Variants in ZNF3 observed in about 807,000 individuals in gnomAD.
ZNF3 encodes zinc finger protein 3, also known as C2-H2 type zinc finger protein.
ZNF3 carries 16 observed loss-of-function variants against 36.9 expected under a neutral mutation model. The ratio of observed to expected loss-of-function variants is 0.43; its 90% confidence interval spans 0.29 to 0.66. ZNF3 has a LOEUF of 0.66. Among genes scored for constraint, ZNF3 ranks in the 30% least tolerant of loss-of-function variants. ZNF3 has a pLI of 0.13. For synonymous variants in ZNF3, 201 were observed against 201.9 expected (o/e 1.00, Z 0.04); for missense variants, 462 against 543.1 (o/e 0.85, Z 1.48).
chr7:100,075,911 A>G (rs958742731), intron 3 of ZNF3, among the ~76,000 whole-genome samples: 10 of 152,060 alleles, frequency 6.6e-5, no homozygotes, highest in South Asian at 2.1e-4. Flanking sequence ...TCTTCTCTCA[A>G]TGAAACCGCC....
downstream of ZNF3, among the ~76,000 whole-genome samples, chr7:100,066,782 C>G (rs936866120): frequency 3.3e-5 from 5 of 152,024 alleles, no homozygotes; most frequent in East Asian, 5.8e-4. Context: ...CGCCTGTAAT[C>G]CCAACACTTT....
intron 1 of ZNF3, 97 bp from the exon 2 acceptor site, chr7:100,079,753 G>C (rs1049899565): frequency 1.3e-5 from 2 of 152,084 alleles, no homozygotes; most frequent in Admixed American, 6.5e-5. Context: ...TCAGGCTGGA[G>C]TGCAGTGAGT....
chr7:100,070,524 T>G lies in ZNF3; in HGVS notation c.*619A>C. 2 of 985,546 alleles carry G rather than the reference T, an allele frequency of 2.0e-6. No homozygotes were observed. The highest frequency in any genetic ancestry group is 2.4e-6 in the Non-Finnish European group (2 of 830,074). 61.1% of individuals were successfully genotyped at this position (985,546 alleles called of 1,614,324 possible). On this transcript the variant is annotated 3_prime_UTR_variant, in exon 6 of 6. Coordinates refer to ENST00000299667, the MANE Select transcript of ZNF3 (RefSeq NM_032924.5). ...GGGTCTGCTGGCAATATCACCAGGT[T>G]TCTCTTGGAAACATGGTCTGGCTGC...
In ZNF3 at chr7:100,070,890, G is replaced by A; in HGVS notation, c.*253C>T. On this transcript the variant is annotated 3_prime_UTR_variant, in exon 6 of 6. Coordinates refer to ENST00000299667, the MANE Select transcript of ZNF3 (RefSeq NM_032924.5). ...TCTGCTGTGAGAAAAACAGTTTAGT[G>A]CAAACTCCTTTCCTAAATGGGGTAA... 5 of 1,277,928 alleles carry A rather than the reference G, an allele frequency of 3.9e-6. No homozygotes were observed. The highest frequency in any genetic ancestry group is 4.9e-6 in the Non-Finnish European group (5 of 1,012,786). The allele number at this position is 1,277,928 out of a possible 1,614,324, so 79.2% of individuals were successfully genotyped here. A position where few individuals can be genotyped will look rare whatever the true frequency, so the allele number is the denominator to read the frequency against.
downstream of ZNF3, among the ~76,000 whole-genome samples, chr7:100,066,152 C>T (rs1792639002): frequency 6.6e-6 from 1 of 151,994 alleles, no homozygotes; most frequent in East Asian, 1.9e-4. Flanking sequence ...TTGTAACAGC[C>T]GGTATCAGCC....
chr7:100,066,133 A>G (rs1792638188), downstream of ZNF3, among the ~76,000 whole-genome samples: 1 of 152,028 alleles, frequency 6.6e-6, no homozygotes, highest in South Asian at 2.1e-4. Flanking sequence ...GCAGGATTGC[A>G]ATTTCCCATT....
chr7:100,080,403 A>T (rs1794799993), intron 1 of ZNF3, among the ~76,000 whole-genome samples: 1 of 151,846 alleles, frequency 6.6e-6, no homozygotes, highest in African/African-American at 2.4e-5. Context: ...CTGAGGTGGG[A>T]GGATTACTTG....
At chr7:100,067,767 T>A (rs1375497741), downstream of ZNF3, among the ~76,000 whole-genome samples, 1 of 152,186 alleles carries the variant, frequency 6.6e-6, no homozygotes, top group Non-Finnish European at 1.5e-5. Context: ...ATGCCATGTA[T>A]CAGCTACTGC....
At position 100,081,488 on chromosome 7, in the gene ZNF3, G is replaced by A. The variant is rs1468014196; in HGVS notation, c.-198+147C>T. On this transcript the variant is annotated intron_variant, in intron 1 of 5. Coordinates refer to ENST00000299667, the MANE Select transcript of ZNF3 (RefSeq NM_032924.5). The surrounding 1 kb of genome is among the most constrained non-coding windows in gnomAD (Gnocchi z 4.3). ...CCCTGGGGAAGCGGAGTAGAGGACG[G>A]GCTGCAGGGGACGGAGGGGCGCCTC... The A allele has an allele frequency of 6.6e-6, 1 of 152,396 alleles. No homozygotes were observed. The highest frequency in any genetic ancestry group is 1.5e-5 in the Non-Finnish European group (1 of 68,192). 9.4% of individuals were successfully genotyped at this position (152,396 alleles called of 1,614,324 possible). A position where few individuals can be genotyped will look rare whatever the true frequency, so the allele number is the denominator to read the frequency against.
intron 2 of ZNF3, 104 bp from the exon 3 acceptor site, chr7:100,077,537 G>T: frequency 9.0e-7 from 1 of 1,107,316 alleles, no homozygotes; most frequent in South Asian, 2.1e-5. Context: ...ACAGTGAGAA[G>T]AAATGTGGCA....
In ZNF3 at chr7:100,072,215, G is replaced by A. The variant is rs749000615; in HGVS notation, c.272-3C>T. The A allele has an allele frequency of 6.4e-7, 1 of 1,566,438 alleles. No individual in the cohort carries two copies. The highest frequency in any genetic ancestry group is 8.6e-7 in the Non-Finnish European group (1 of 1,161,874). On this transcript the variant is annotated splice_polypyrimidine_tract_variant and splice_region_variant and intron_variant, in intron 5 of 5. Coordinates refer to ENST00000299667, the MANE Select transcript of ZNF3 (RefSeq NM_032924.5). The stretch of plus-strand genomic sequence containing the variant: ...ATTTTCAGTCCTGGTCTCACGATCT[G>A]ACACAATAAAAAATGCAAATGTCAC...
At chr7:100,077,596 T>C in intron 2 of ZNF3, 163 bp from the exon 3 acceptor site, 2 of 566,480 alleles carry the variant, frequency 3.5e-6, no homozygotes, top group South Asian at 3.2e-5. Context: ...TTTTTTTTCC[T>C]TTTTGTGGAG....
At position 100,070,467 on chromosome 7, in the gene ZNF3, T is replaced by C; in HGVS notation, c.*676A>G. On this transcript the variant is annotated 3_prime_UTR_variant, in exon 6 of 6. Transcript: ENST00000299667. ...TAGCTGTTTGGACAGATTTGCCCAT[T>C]CAGCCCCAGGACAACTGGGGGGGAT... 1 of 985,546 alleles carries C rather than the reference T, an allele frequency of 1.0e-6. No individual in the cohort carries two copies. The highest frequency in any genetic ancestry group is 1.2e-6 in the Non-Finnish European group (1 of 830,066). 61.1% of individuals were successfully genotyped at this position (985,546 alleles called of 1,614,324 possible). A position where few individuals can be genotyped will look rare whatever the true frequency, so the allele number is the denominator to read the frequency against.
chr7:100,076,324 ACT>A (rs1794108164), intron 3 of ZNF3, among the ~76,000 whole-genome samples: 1 of 146,598 alleles, frequency 6.8e-6, no homozygotes, highest in Non-Finnish European at 1.5e-5. Flanking sequence ...GTGGCGTCTC[ACT>A]CTGTCACCCA....
At chr7:100,082,241 G>A (rs1795074558), upstream of ZNF3, 2 of 152,160 alleles carry the variant, frequency 1.3e-5, no homozygotes, top group African/African-American at 2.4e-5. Flanking sequence ...GTCCATCACA[G>A]AGTTGACATG....
intron 5 of ZNF3, among the ~76,000 whole-genome samples, chr7:100,074,798 C>A (rs1562870449): frequency 1.3e-5 from 2 of 152,100 alleles, no homozygotes; most frequent in Non-Finnish European, 2.9e-5. Context: ...CTTTGGGAGG[C>A]CAAGACGGGT....
chr7:100,072,281 A>C, intron 5 of ZNF3, 69 bp from the exon 6 acceptor site: 1 of 1,384,932 alleles, frequency 7.2e-7, no homozygotes, highest in Non-Finnish European at 9.8e-7. Context: ...ACAGGACAGG[A>C]TCATTGTAAC....
chr7:100,073,976 A>G (rs1793648721), intron 5 of ZNF3, among the ~76,000 whole-genome samples: 2 of 151,840 alleles, frequency 1.3e-5, no homozygotes, highest in African/African-American at 2.4e-5. Context: ...ACCAACATGG[A>G]AAAACTCCGT....
chr7:100,075,031 A>C, intron 5 of ZNF3, 104 bp downstream of exon 5: 2 of 1,465,486 alleles, frequency 1.4e-6, no homozygotes, highest in Non-Finnish European at 1.8e-6. Flanking sequence ...CACCTCAAAA[A>C]AAAAATCTGC....
Sources: allele counts gnomAD v4.1 joint callset (sites outside exome capture counted in the v4.1 genomes callset), GRCh38; gene constraint gnomAD v4.1.1; non-coding constraint Gnocchi (gnomAD v3.1); transcripts MANE v1.5; gene names NCBI Gene and HGNC (gene_info 2026-07-23, HGNC 2026-07-21).